TBC1D22A: variants seen among roughly 807,000 people sequenced by gnomAD.
TBC1D22A encodes putative GTPase activator.
Under a neutral mutation model 60.2 loss-of-function variants are expected in TBC1D22A, and 38 were observed. That is an observed-to-expected ratio of 0.63 (90% CI 0.49 to 0.83). The LOEUF (loss-of-function observed/expected upper bound fraction) is 0.83, where lower values mean the gene tolerates loss of function less well. Among genes scored for constraint, TBC1D22A ranks in the 40% least tolerant of loss-of-function variants. TBC1D22A has a pLI of 0.00. For synonymous variants in TBC1D22A, 302 were observed against 281.7 expected (o/e 1.07, Z -0.72); for missense variants, 628 against 701.0 (o/e 0.90, Z 1.18).
At chr22:46,935,900 C>T (rs1444853596) in intron 8 of TBC1D22A, among the ~76,000 whole-genome samples, 1 of 152,084 alleles carries the variant, frequency 6.6e-6, no homozygotes, top group Non-Finnish European at 1.5e-5. Flanking sequence ...CCTGGCCCCT[C>T]CTCTGAACTC....
intron 7 of TBC1D22A, among the ~76,000 whole-genome samples, chr22:46,897,314 C>A (rs970891949): frequency 1.1e-4 from 16 of 152,178 alleles, no homozygotes; most frequent in African/African-American, 3.9e-4. Flanking sequence ...TTAGTGTACA[C>A]CCTATGTAAA....
chr22:46,974,330 C>T lies in TBC1D22A; in HGVS notation c.1056C>T (p.Pro352=), dbSNP rs145809928. Residue 352 remains proline, a synonymous_variant, in exon 9 of 13, where the codon CCC becomes CCT. Transcript: ENST00000337137. The part of the protein sequence containing the change: ...EVDTVDVSGV[P]AEVLCNIEAD... The stretch of plus-strand genomic sequence containing the variant: ...ACACGGTGGACGTCTCCGGCGTGCC[C>T]GCAGAGGTGCTGTGCAACATCGAGG... 868 of 1,607,970 alleles carry T rather than the reference C, an allele frequency of 5.4e-4. 3 individuals carry two copies. The highest frequency in any genetic ancestry group is 1.9e-3 in the Admixed American group (111 of 59,298).
intron 4 of TBC1D22A, among the ~76,000 whole-genome samples, chr22:46,850,785 G>T (rs1439697001): frequency 6.6e-6 from 1 of 152,144 alleles, no homozygotes; most frequent in Non-Finnish European, 1.5e-5. Flanking sequence ...GCCAAAAAAG[G>T]GGAAACAATT....
At chr22:46,965,789 C>T (rs927486556) in intron 8 of TBC1D22A, among the ~76,000 whole-genome samples, 4 of 152,352 alleles carry the variant, frequency 2.6e-5, no homozygotes, top group Non-Finnish European at 1.5e-5. Flanking sequence ...GTCATTGGTT[C>T]TCCGGCAGTG....
At chr22:47,048,740 A>T (rs1021262411) in intron 11 of TBC1D22A, among the ~76,000 whole-genome samples, 1 of 152,006 alleles carries the variant, frequency 6.6e-6, no homozygotes, top group Non-Finnish European at 1.5e-5. Context: ...TGGGATGGGG[A>T]CAGGCTGACT....
At chr22:46,950,916 T>C (rs976448479) in intron 8 of TBC1D22A, among the ~76,000 whole-genome samples, 4 of 152,202 alleles carry the variant, frequency 2.6e-5, no homozygotes, top group Admixed American at 1.3e-4. Context: ...GAGAAGTTCC[T>C]TATAAATAAT....
intron 11 of TBC1D22A, among the ~76,000 whole-genome samples, chr22:47,050,552 C>T (rs1356032556): frequency 6.6e-6 from 1 of 152,246 alleles, no homozygotes; most frequent in Non-Finnish European, 1.5e-5. Flanking sequence ...AGAGTGTTCA[C>T]TGCAGCCAGC....
chr22:47,067,402 C>T (rs559799545), intron 11 of TBC1D22A, among the ~76,000 whole-genome samples: 25 of 152,276 alleles, frequency 1.6e-4, no homozygotes, highest in Admixed American at 2.0e-4. Context: ...CTATTCATCC[C>T]GGTAATGAAG....
At chr22:46,926,042 C>T (rs1239832488) in intron 8 of TBC1D22A, among the ~76,000 whole-genome samples, 1 of 152,104 alleles carries the variant, frequency 6.6e-6, no homozygotes, top group Non-Finnish European at 1.5e-5. Context: ...AATATGTAGA[C>T]ATTTTAGAAC....
chr22:46,787,345 G>C (rs2084202331), intron 1 of TBC1D22A, among the ~76,000 whole-genome samples: 1 of 152,132 alleles, frequency 6.6e-6, no homozygotes, highest in Non-Finnish European at 1.5e-5. Flanking sequence ...TCTCCGTGGA[G>C]TCCTGCTATG....
At position 47,144,859 on chromosome 22, in the gene TBC1D22A, G is replaced by A. The variant is rs543209014; in HGVS notation, c.1426-28639G>A. On this transcript the variant is annotated intron_variant, in intron 12 of 12. Transcript: ENST00000337137. ...GAGATCCTGGGACTGGGTGCAGCCCGTGAAGGTGCCTGCTGGCTGAGATCC... is the reference window on the plus strand; with the variant it reads ...GAGATCCTGGGACTGGGTGCAGCCCATGAAGGTGCCTGCTGGCTGAGATCC... 6.1e-4 allele frequency among the ~76,000 whole-genome samples: 83 copies of A among 136,664 alleles called. 1 individual carries two copies. The South Asian group carries it at 0.02, about 33-fold the overall frequency. The allele number at this position is 136,664 out of a possible 152,430, so 89.7% of individuals were successfully genotyped here.
At chr22:47,172,814 A>C (rs1029089147) in intron 12 of TBC1D22A, among the ~76,000 whole-genome samples, 1 of 152,152 alleles carries the variant, frequency 6.6e-6, no homozygotes, top group Admixed American at 6.5e-5. Context: ...GGAGCCCTGC[A>C]CCCCAACCCA....
chr22:46,847,914 A>AGTGG (rs1224974911), intron 4 of TBC1D22A, among the ~76,000 whole-genome samples: 10 of 126,572 alleles, frequency 7.9e-5, no homozygotes, highest in South Asian at 5.3e-4. Context: ...AAGGTACCCT[A>AGTGG]GTGGGTGTGT....
At chr22:46,998,437 A>T (rs75854543) in intron 10 of TBC1D22A, among the ~76,000 whole-genome samples, 2,746 of 152,298 alleles carry the variant, frequency 0.018, 66 homozygotes, top group African/African-American at 0.054. Context: ...GAAAAGAGAC[A>T]TGCTCTTTCA....
At chr22:46,818,041 G>T (rs1046615827) in intron 4 of TBC1D22A, among the ~76,000 whole-genome samples, 2 of 152,090 alleles carry the variant, frequency 1.3e-5, no homozygotes, top group African/African-American at 4.8e-5. Flanking sequence ...TTTCTTGGCC[G>T]CATAAATGTC....
intron 10 of TBC1D22A, among the ~76,000 whole-genome samples, chr22:47,031,451 C>T (rs984340906): frequency 9.2e-5 from 14 of 152,248 alleles, no homozygotes; most frequent in African/African-American, 3.1e-4. Flanking sequence ...TGCCCTGGAA[C>T]GGCCTTGCCT....
At chr22:46,927,557 C>T (rs2071119270) in intron 8 of TBC1D22A, among the ~76,000 whole-genome samples, 1 of 152,182 alleles carries the variant, frequency 6.6e-6, no homozygotes, top group Non-Finnish European at 1.5e-5. Flanking sequence ...TATCTACTTT[C>T]TCCACTTCTA....
intron 9 of TBC1D22A, among the ~76,000 whole-genome samples, chr22:46,981,604 T>A (rs372626671): frequency 3.3e-5 from 5 of 152,204 alleles, no homozygotes; most frequent in African/African-American, 9.6e-5. Flanking sequence ...TATAAGGGGC[T>A]CTTCCCCCAC....
At chr22:46,898,507 G>A (rs1452931091) in intron 7 of TBC1D22A, among the ~76,000 whole-genome samples, 1 of 139,108 alleles carries the variant, frequency 7.2e-6, no homozygotes, top group Non-Finnish European at 1.5e-5. Context: ...AAACATTCAT[G>A]CCTTTGTCTG....
Sources: allele counts gnomAD v4.1 joint callset (sites outside exome capture counted in the v4.1 genomes callset), GRCh38; gene constraint gnomAD v4.1.1; transcripts MANE v1.5; gene names NCBI Gene and HGNC (gene_info 2026-07-23, HGNC 2026-07-21).